ANK2: variants seen among roughly 807,000 people sequenced by gnomAD.
ANK2 encodes the protein ankyrin-2.
A neutral mutation model predicts 360.5 loss-of-function variants in ANK2; 83 were observed. The ratio of observed to expected loss-of-function variants is 0.23; its 90% confidence interval spans 0.19 to 0.28. The LOEUF is 0.28. Among genes scored for constraint, ANK2 ranks in the 10% least tolerant of loss-of-function variants. The probability of loss-of-function intolerance (pLI) is 1.00; values close to 1 mark genes in which losing one functional copy is unlikely to be tolerated. For synonymous variants in ANK2, 1,740 were observed against 1,759.5 expected (o/e 0.99, Z 0.28); for missense variants, 4,201 against 4,795.7 (o/e 0.88, Z 3.66).
chr4:113,096,240 C>T (rs1218211984), intron 1 of ANK2, among the ~76,000 whole-genome samples: 1 of 152,156 alleles, frequency 6.6e-6, no homozygotes, highest in East Asian at 1.9e-4. Context: ...ACAAAAGTCT[C>T]CCAGTCTCCT....
At chr4:113,124,568 G>A (rs955943905) in intron 1 of ANK2, among the ~76,000 whole-genome samples, 5 of 152,048 alleles carry the variant, frequency 3.3e-5, no homozygotes, top group Non-Finnish European at 7.4e-5. Context: ...GTTCACCACA[G>A]TTTCCAGAGC....
chr4:112,837,019 A>G (rs1223344659), intron 1 of ANK2, among the ~76,000 whole-genome samples: 2 of 152,218 alleles, frequency 1.3e-5, no homozygotes, highest in East Asian at 3.8e-4. Flanking sequence ...GAAAATAGGG[A>G]AAATGTCTCC....
At chr4:113,108,886 C>T (rs1211829068) in intron 1 of ANK2, among the ~76,000 whole-genome samples, 1 of 152,166 alleles carries the variant, frequency 6.6e-6, no homozygotes, top group Non-Finnish European at 1.5e-5. Context: ...CTTTCAATTA[C>T]ATCTTATCAG....
At chr4:113,342,014 A>C in intron 33 of ANK2, 98 bp downstream of exon 33, 2 of 1,246,070 alleles carry the variant, frequency 1.6e-6, no homozygotes, top group Non-Finnish European at 2.2e-6. Flanking sequence ...AGAATAATTA[A>C]AAAGTGAAAG....
At chr4:112,735,105 C>T in the ANK2 span, among the ~76,000 whole-genome samples, 6 of 152,232 alleles carry the variant, frequency 3.9e-5, no homozygotes, top group East Asian at 1.2e-3. Flanking sequence ...AAAATTCTGG[C>T]CAAGTGAGGT....
chr4:113,034,240 T>C (rs2061083688), intron 2 of ANK2, among the ~76,000 whole-genome samples: 1 of 151,950 alleles, frequency 6.6e-6, no homozygotes, highest in African/African-American at 2.4e-5. Context: ...GAGTGTTCCT[T>C]AGATTGGCAA....
chr4:113,271,765 ACT>A (rs1200112073), intron 14 of ANK2, among the ~76,000 whole-genome samples: 3 of 152,208 alleles, frequency 2.0e-5, no homozygotes, highest in Non-Finnish European at 4.4e-5. Flanking sequence ...CACGCAGAAC[ACT>A]CTATTCACCA....
chr4:113,293,307 C>G (rs754443680), intron 21 of ANK2, 133 bp from the exon 22 acceptor site: 1 of 792,230 alleles, frequency 1.3e-6, no homozygotes, highest in Non-Finnish European at 2.1e-6. Flanking sequence ...ATGGTAAAAA[C>G]TAGTGATTTT....
rs1165231247 is a variant in ANK2, at chr4:113,238,097, C to T, written c.693+475C>T. Among the ~76,000 whole-genome samples, 3 of 151,858 alleles carry T rather than the reference C, an allele frequency of 2.0e-5. No homozygotes were observed. In the East Asian group the frequency reaches 5.8e-4, roughly 29 times the overall value. On this transcript the variant is annotated intron_variant, in intron 7 of 45. Coordinates refer to ENST00000357077, the MANE Select transcript of ANK2 (RefSeq NM_001148.6). Reference sequence around the variant, plus strand: ...TTATATAATAAATGATGTTATTGAGCATATCAAGAGCAGACCAATTGCTTT... The same window carrying T: ...TTATATAATAAATGATGTTATTGAGTATATCAAGAGCAGACCAATTGCTTT...
intron 18 of ANK2, 132 bp from the exon 19 acceptor site, chr4:113,287,473 T>C: frequency 1.3e-6 from 1 of 746,800 alleles, no homozygotes; most frequent in Non-Finnish European, 2.3e-6. Context: ...TATCAGAAGA[T>C]ATAGTTTCTG....
intron 41 of ANK2, among the ~76,000 whole-genome samples, chr4:113,366,620 G>C (rs2096548671): frequency 6.6e-6 from 1 of 151,658 alleles, no homozygotes; most frequent in Non-Finnish European, 1.5e-5. Context: ...GGTATTTTCT[G>C]CTCCCTCCAC....
chr4:113,138,442 C>T (rs2096523755), intron 1 of ANK2, among the ~76,000 whole-genome samples: 1 of 152,186 alleles, frequency 6.6e-6, no homozygotes. Flanking sequence ...CAGTTATCCT[C>T]ATAATAAATC....
intron 1 of ANK2, among the ~76,000 whole-genome samples, chr4:113,132,655 G>GC (rs1315197243): frequency 5.9e-5 from 9 of 152,260 alleles, no homozygotes; most frequent in South Asian, 2.1e-4. Context: ...GGGGTGAAGA[G>GC]AACTGATCTA....
chr4:113,200,880 C>T (rs1187919174), intron 4 of ANK2, among the ~76,000 whole-genome samples: 1 of 151,596 alleles, frequency 6.6e-6, no homozygotes, highest in Admixed American at 6.6e-5. Context: ...CACGCCGGGG[C>T]CTGTCAGGGG....
chr4:113,146,120 T>G, intron 1 of ANK2: 1 of 1,140,364 alleles, frequency 8.8e-7, no homozygotes, highest in South Asian at 1.5e-5. Flanking sequence ...ATAAAGCCAA[T>G]GTGATCAAAC....
At chr4:113,162,195 T>A (rs1171255325) in intron 1 of ANK2, among the ~76,000 whole-genome samples, 1 of 151,946 alleles carries the variant, frequency 6.6e-6, no homozygotes, top group Non-Finnish European at 1.5e-5. Context: ...CAGAGTCAAT[T>A]TCCCCCAAGT....
At chr4:112,942,849 A>G (rs1198371963) in intron 2 of ANK2, among the ~76,000 whole-genome samples, 2 of 152,050 alleles carry the variant, frequency 1.3e-5, no homozygotes, top group Non-Finnish European at 2.9e-5. Context: ...TAAGAAAAAA[A>G]ATTCCTCTAT....
rs1242399945 is a variant in ANK2 at position 113,221,286 on chromosome 4, G to GAGTAA, written c.385-10875_385-10874insAGTAA. Among the ~76,000 whole-genome samples, 942 of 152,248 alleles carry GAGTAA rather than the reference G, an allele frequency of 6.2e-3. 7 individuals carry two copies. The highest frequency in any genetic ancestry group is 0.021 in the African/African-American group (880 of 41,526). ...GAGCAACATCACAATATGTATTAAA[G>GAGTAA]GTTTGTTTTCATTATAACTTACTGA... is the stretch of plus-strand genomic sequence containing the variant. On this transcript the variant is annotated intron_variant, in intron 4 of 45. Transcript: ENST00000357077.
chr4:112,786,872 C>T, the ANK2 span, among the ~76,000 whole-genome samples: 7 of 151,760 alleles, frequency 4.6e-5, no homozygotes, highest in Admixed American at 2.6e-4. Flanking sequence ...TCTCAGCCTC[C>T]CGAGTAGCTG....
Sources: allele counts gnomAD v4.1 joint callset (sites outside exome capture counted in the v4.1 genomes callset), GRCh38; gene constraint gnomAD v4.1.1; transcripts MANE v1.5; gene names NCBI Gene and HGNC (gene_info 2026-07-23, HGNC 2026-07-21).